DNAH11: variants seen among roughly 807,000 people sequenced by gnomAD.
The protein encoded by DNAH11 is axonemal beta dynein heavy chain 11.
Under a neutral mutation model 526.0 loss-of-function variants are expected in DNAH11, and 442 were observed. That is an observed-to-expected ratio of 0.84 (90% confidence interval 0.78 to 0.91). The LOEUF (loss-of-function observed/expected upper bound fraction) is 0.91. Ranked by LOEUF, DNAH11 falls within the 40% of genes least tolerant of loss-of-function variation. The pLI is 0.00. For missense variants in DNAH11, 6,989 were observed against 5,448.7 expected (o/e 1.28, Z -8.90); for synonymous variants, 2,461 against 1,935.9 (o/e 1.27, Z -7.12).
At position 21,679,165 on chromosome 7, in the gene DNAH11, T is replaced by A. The variant is rs545751608; in HGVS notation, c.5329-2381T>A. 8.0e-4 allele frequency among the ~76,000 whole-genome samples: 122 copies of A among 151,908 alleles called. 2 individuals carry two copies. Among genetic ancestry groups the A allele is most frequent in the South Asian group, 7.5e-3 (36 of 4,808 alleles). On this transcript the variant is annotated intron_variant, in intron 30 of 81. Coordinates refer to ENST00000409508, the MANE Select transcript of DNAH11 (RefSeq NM_001277115.2). ...ACAGAAAGACAAATACTGCATAATC[T>A]CACTTATAAGTGGATTAAAAAAAAA...
intron 57 of DNAH11, 126 bp downstream of exon 57, chr7:21,779,230 A>G (rs1461542280): frequency 5.9e-6 from 7 of 1,187,742 alleles, no homozygotes; most frequent in African/African-American, 1.5e-5. Flanking sequence ...TTATAGTTAC[A>G]CATGTAACAG....
At chr7:21,734,138 C>T (rs1785505723) in intron 45 of DNAH11, among the ~76,000 whole-genome samples, 2 of 152,132 alleles carry the variant, frequency 1.3e-5, no homozygotes, top group Admixed American at 1.3e-4. Context: ...GGGTTTGAAT[C>T]GAAGTACTGC....
intron 54 of DNAH11, among the ~76,000 whole-genome samples, chr7:21,750,821 C>A (rs1380793715): frequency 2.0e-5 from 3 of 152,206 alleles, no homozygotes; most frequent in East Asian, 3.9e-4. Context: ...ATATAAAGGT[C>A]AACTGCACGG....
At chr7:21,725,688 C>G in intron 44 of DNAH11, 123 bp from the exon 45 acceptor site, 1 of 908,184 alleles carries the variant, frequency 1.1e-6, no homozygotes, top group Non-Finnish European at 1.7e-6. Context: ...AAAATTTGTG[C>G]TTGATGGGTA....
intron 54 of DNAH11, 69 bp from the exon 55 acceptor site, chr7:21,765,358 TA>T: frequency 1.2e-6 from 2 of 1,603,508 alleles, no homozygotes; most frequent in Non-Finnish European, 8.5e-7. Flanking sequence ...TCTCATTGTC[TA>T]AGATTGCAAT....
intron 20 of DNAH11, among the ~76,000 whole-genome samples, chr7:21,609,053 C>T (rs1213852543): frequency 6.6e-6 from 1 of 152,092 alleles, no homozygotes; most frequent in Non-Finnish European, 1.5e-5. Context: ...CACTGACTTT[C>T]CACAAATAAG....
At chr7:21,714,925 T>C (rs1784595732) in intron 42 of DNAH11, among the ~76,000 whole-genome samples, 1 of 152,238 alleles carries the variant, frequency 6.6e-6, no homozygotes, top group East Asian at 1.9e-4. Context: ...TAGATCATAC[T>C]CTTTCTTCTA....
chr7:21,642,873 A>C (rs533478567), intron 28 of DNAH11, among the ~76,000 whole-genome samples: 2 of 152,218 alleles, frequency 1.3e-5, no homozygotes, highest in African/African-American at 4.8e-5. Context: ...AAGAGTTGGA[A>C]TGACAGAGTG....
At chr7:21,760,440 G>C (rs561030856) in intron 54 of DNAH11, among the ~76,000 whole-genome samples, 16 of 152,210 alleles carry the variant, frequency 1.1e-4, no homozygotes, top group Non-Finnish European at 2.4e-4. Flanking sequence ...GAAGGATTCA[G>C]CTGACCTCGT....
chr7:21,789,386 C>G (rs372724409), intron 61 of DNAH11, 44 bp downstream of exon 61: 2 of 1,366,330 alleles, frequency 1.5e-6, no homozygotes, highest in South Asian at 1.3e-5. Flanking sequence ...AAGAGGTGGT[C>G]GCTGCCTCCA....
At chr7:21,747,116 A>G (rs530678110) in intron 51 of DNAH11, among the ~76,000 whole-genome samples, 166 of 152,310 alleles carry the variant, frequency 1.1e-3, no homozygotes, top group African/African-American at 3.6e-3. Flanking sequence ...GAATCTTGTG[A>G]GGTTAAAAGC....
chr7:21,738,217 G>C (rs1042971039), intron 46 of DNAH11, among the ~76,000 whole-genome samples: 1 of 152,142 alleles, frequency 6.6e-6, no homozygotes, highest in Non-Finnish European at 1.5e-5. Flanking sequence ...ACTACCTTGT[G>C]GATAGTGTCT....
chr7:21,759,630 C>G (rs1786807736), intron 54 of DNAH11, among the ~76,000 whole-genome samples: 1 of 152,050 alleles, frequency 6.6e-6, no homozygotes, highest in Non-Finnish European at 1.5e-5. Context: ...ATGGAAGCTT[C>G]TGAAGTAAAT....
At chr7:21,773,590 A>G (rs917715495) in intron 55 of DNAH11, among the ~76,000 whole-genome samples, 176 bp from the exon 56 acceptor site, 1 of 152,172 alleles carries the variant, frequency 6.6e-6, no homozygotes, top group Admixed American at 6.5e-5. Context: ...TGAATGCTTT[A>G]TTGTAATCTC....
intron 32 of DNAH11, among the ~76,000 whole-genome samples, chr7:21,685,960 A>G (rs1311031609): frequency 1.3e-5 from 2 of 152,198 alleles, no homozygotes; most frequent in Admixed American, 1.3e-4. Context: ...GTCTCTAAAC[A>G]CTGGCAGCCA....
At chr7:21,814,888 A>T (rs1789707299) in intron 63 of DNAH11, among the ~76,000 whole-genome samples, 1 of 152,148 alleles carries the variant, frequency 6.6e-6, no homozygotes, top group Non-Finnish European at 1.5e-5. Flanking sequence ...TATGAAAAAA[A>T]TTCTGTATGT....
At position 21,847,884 on chromosome 7, in the gene DNAH11, G is replaced by A. The variant is rs549090810; in HGVS notation, c.10897-4583G>A. Among the ~76,000 whole-genome samples, 34 of 152,058 alleles carry A rather than the reference G, an allele frequency of 2.2e-4. 2 individuals carry two copies. Among genetic ancestry groups the A allele is most frequent in the South Asian group, 1.7e-3 (8 of 4,808 alleles). ...ACACATTAAAGATTATTATGCTTTCGACCGGGTGCAGTGGCTCACGCCTGT... is the reference window on the plus strand; with the variant it reads ...ACACATTAAAGATTATTATGCTTTCAACCGGGTGCAGTGGCTCACGCCTGT... On this transcript the variant is annotated intron_variant, in intron 66 of 81. Coordinates refer to ENST00000409508, the MANE Select transcript of DNAH11 (RefSeq NM_001277115.2).
chr7:21,767,907 A>G (rs1292736655), intron 55 of DNAH11, among the ~76,000 whole-genome samples: 1 of 152,150 alleles, frequency 6.6e-6, no homozygotes, highest in Non-Finnish European at 1.5e-5. Flanking sequence ...TGCTGAGTGT[A>G]AGGTGCTTAC....
In DNAH11 at chr7:21,833,439, T is replaced by C. The variant is rs532687148; in HGVS notation, c.10692-9105T>C. 5.9e-5 allele frequency among the ~76,000 whole-genome samples: 9 copies of C among 152,306 alleles called. 1 individual carries two copies. The East Asian group carries it at 7.7e-4, about 13-fold the overall frequency. Reference sequence around the variant, plus strand: ...TGGGCACAGTGGCTCATGCCTGTAATGCCAGCACTTTGGGAAGCCAAAGTG... The same window carrying C: ...TGGGCACAGTGGCTCATGCCTGTAACGCCAGCACTTTGGGAAGCCAAAGTG... On this transcript the variant is annotated intron_variant, in intron 65 of 81. Coordinates refer to ENST00000409508, the MANE Select transcript of DNAH11 (RefSeq NM_001277115.2).
Sources: allele counts gnomAD v4.1 joint callset (sites outside exome capture counted in the v4.1 genomes callset), GRCh38; gene constraint gnomAD v4.1.1; transcripts MANE v1.5; gene names NCBI Gene and HGNC (gene_info 2026-07-23, HGNC 2026-07-21).